The following HTR7 variants were observed in gnomAD, a reference collection of about 807,000 sequenced individuals.
The protein encoded by HTR7 is 5-HT-7.
Under a neutral mutation model 34.0 loss-of-function variants are expected in HTR7, and 16 were observed. That is an observed-to-expected ratio of 0.47 (90% CI 0.32 to 0.71). HTR7 has a LOEUF of 0.71. HTR7 is among the 30% of genes least tolerant of loss of function. The probability of loss-of-function intolerance (pLI) is 0.04; values close to 1 mark genes in which losing one functional copy is unlikely to be tolerated. For synonymous variants in HTR7, 265 were observed against 260.2 expected (o/e 1.02, Z -0.18); for missense variants, 504 against 625.5 (o/e 0.81, Z 2.07).
chr10:90,742,604 G>T, intron 3 of HTR7, 76 bp from the exon 4 acceptor site: 2 of 1,029,342 alleles, frequency 1.9e-6, no homozygotes, highest in Non-Finnish European at 2.9e-6. Flanking sequence ...GTGGTAGGTG[G>T]ACTTAATTTT....
At chr10:90,817,630 T>C (rs1171691575) in intron 1 of HTR7, among the ~76,000 whole-genome samples, 1 of 152,156 alleles carries the variant, frequency 6.6e-6, no homozygotes, top group African/African-American at 2.4e-5. Flanking sequence ...GAGAACCTCT[T>C]TGGAAAAAGT....
At chr10:90,766,571 C>T (rs1466656745) in intron 1 of HTR7, among the ~76,000 whole-genome samples, 42 of 152,140 alleles carry the variant, frequency 2.8e-4, no homozygotes, top group South Asian at 6.2e-4. Context: ...CCATTTTGTT[C>T]GCTGTTTTCT....
chr10:90,789,873 T>C (rs1845438566), intron 1 of HTR7, among the ~76,000 whole-genome samples: 1 of 152,150 alleles, frequency 6.6e-6, no homozygotes, highest in African/African-American at 2.4e-5. Context: ...TTTTCTTATC[T>C]GTAAAATGGA....
intron 1 of HTR7, among the ~76,000 whole-genome samples, chr10:90,854,134 G>A (rs560100131): frequency 2.6e-5 from 4 of 152,244 alleles, no homozygotes; most frequent in Non-Finnish European, 4.4e-5. Flanking sequence ...GGGAGGCCGA[G>A]GTGGGCGGAT....
At chr10:90,743,773 A>G (rs1844591290) in intron 2 of HTR7, 83 bp from the exon 3 acceptor site, 1 of 1,096,806 alleles carries the variant, frequency 9.1e-7, no homozygotes, top group African/African-American at 1.6e-5. Flanking sequence ...ATATTTCATT[A>G]TCATATTTGG....
chr10:90,755,932 C>G (rs1018928043), intron 1 of HTR7, among the ~76,000 whole-genome samples: 6 of 152,106 alleles, frequency 3.9e-5, no homozygotes, highest in Admixed American at 1.3e-4. Flanking sequence ...GTAATAGCTC[C>G]AAATGAAACT....
chr10:90,775,359 G>A (rs1486062078), intron 1 of HTR7, among the ~76,000 whole-genome samples: 1 of 152,194 alleles, frequency 6.6e-6, no homozygotes, highest in Non-Finnish European at 1.5e-5. Context: ...GTGATGGCGA[G>A]TTGAGAGGTC....
At chr10:90,837,261 T>C (rs1846268040) in intron 1 of HTR7, among the ~76,000 whole-genome samples, 1 of 152,220 alleles carries the variant, frequency 6.6e-6, no homozygotes, top group Non-Finnish European at 1.5e-5. Flanking sequence ...TGTTTAAGTA[T>C]TTACCATGTG....
In HTR7 at chr10:90,749,634, T is replaced by A. The variant is rs1310719075; in HGVS notation, c.540-40A>T. 6.4e-7 allele frequency: 1 copy of A among 1,551,766 alleles called. No homozygotes were observed. Among genetic ancestry groups the A allele is most frequent in the African/African-American group, 1.4e-5 (1 of 73,652 alleles). ...GAAAGATAACAGATGAACACCGTGA[T>A]CATAACTGGTCAACCAAGCAAGTCC... On this transcript the variant is annotated intron_variant, in intron 1 of 3. Coordinates refer to ENST00000336152, the MANE Select transcript of HTR7 (RefSeq NM_019859.4). This position sits in a 1 kb window ranked among gnomAD's most constrained non-coding sequence, Gnocchi z 4.2.
intron 1 of HTR7, among the ~76,000 whole-genome samples, chr10:90,793,191 A>G (rs1845485915): frequency 6.6e-6 from 1 of 152,226 alleles, no homozygotes; most frequent in South Asian, 2.1e-4. Context: ...CCGGATAAGA[A>G]CTTCTACAAC....
chr10:90,752,841 T>C (rs1262615068), intron 1 of HTR7, among the ~76,000 whole-genome samples: 2 of 152,114 alleles, frequency 1.3e-5, no homozygotes, highest in Non-Finnish European at 2.9e-5. Flanking sequence ...TAAATATAAA[T>C]CTCACATGGA....
chr10:90,839,246 C>T (rs1846293529), intron 1 of HTR7, among the ~76,000 whole-genome samples: 2 of 152,118 alleles, frequency 1.3e-5, no homozygotes, highest in South Asian at 4.1e-4. Context: ...TTTTCAAAGA[C>T]TTCTACTGAA....
At chr10:90,818,157 G>A (rs1488000744) in intron 1 of HTR7, among the ~76,000 whole-genome samples, 4 of 152,130 alleles carry the variant, frequency 2.6e-5, no homozygotes, top group African/African-American at 9.7e-5. Context: ...TGGGAGGTGG[G>A]GCCAAATGGG....
chr10:90,808,113 T>C (rs995392765), intron 1 of HTR7, among the ~76,000 whole-genome samples: 5 of 152,198 alleles, frequency 3.3e-5, no homozygotes, highest in African/African-American at 7.2e-5. Flanking sequence ...GCCTCTCTGA[T>C]TATTCACCCA....
At position 90,802,081 on chromosome 10, in the gene HTR7, G is replaced by A. The variant is rs370347294; in HGVS notation, c.540-52487C>T. On this transcript the variant is annotated intron_variant, in intron 1 of 3. Coordinates refer to ENST00000336152, the MANE Select transcript of HTR7 (RefSeq NM_019859.4). The stretch of plus-strand genomic sequence containing the variant: ...TAAGCCTGCTGTTCAAGCCAGCCCT[G>A]CAGATGAGTCCATTTTATGGTTCTG... Among the ~76,000 whole-genome samples the A allele has an allele frequency of 2.2e-4, 34 of 152,276 alleles. No homozygotes were observed. In the East Asian group the frequency reaches 2.9e-3, roughly 13 times the overall value.
At chr10:90,785,521 C>A (rs942860411) in intron 1 of HTR7, among the ~76,000 whole-genome samples, 3 of 152,100 alleles carry the variant, frequency 2.0e-5, no homozygotes, top group African/African-American at 7.2e-5. Flanking sequence ...CCTCCACTGC[C>A]CCCAGACACA....
chr10:90,800,688 C>G (rs1845611814), intron 1 of HTR7, among the ~76,000 whole-genome samples: 1 of 152,084 alleles, frequency 6.6e-6, no homozygotes, highest in African/African-American at 2.4e-5. Context: ...TGTAGATTTA[C>G]TGGGCACTAA....
At chr10:90,757,382 T>A (rs1470551713) in intron 1 of HTR7, among the ~76,000 whole-genome samples, 1 of 152,190 alleles carries the variant, frequency 6.6e-6, no homozygotes, top group Non-Finnish European at 1.5e-5. Context: ...ACAGAACTTG[T>A]CATCTTTCAG....
At chr10:90,808,962 CA>C (rs1845752085) in intron 1 of HTR7, among the ~76,000 whole-genome samples, 1 of 152,160 alleles carries the variant, frequency 6.6e-6, no homozygotes, top group South Asian at 2.1e-4. Flanking sequence ...CATTCTTTTA[CA>C]CATCAGTCCC....
Sources: allele counts gnomAD v4.1 joint callset (sites outside exome capture counted in the v4.1 genomes callset), GRCh38; gene constraint gnomAD v4.1.1; non-coding constraint Gnocchi (gnomAD v3.1); transcripts MANE v1.5; gene names NCBI Gene and HGNC (gene_info 2026-07-23, HGNC 2026-07-21).